The following SESN3 variants were observed in gnomAD, a reference collection of about 807,000 sequenced individuals.
The protein encoded by SESN3 is sestrin-3.
Under a neutral mutation model 55.3 loss-of-function variants are expected in SESN3, and 21 were observed. The observed-to-expected ratio is 0.38, with a 90% confidence interval of 0.27 to 0.55. The LOEUF is 0.55. SESN3 is among the 20% of genes least tolerant of loss of function. SESN3 has a pLI of 0.76. For missense variants in SESN3, 408 were observed against 604.3 expected (o/e 0.68, Z 3.41); for synonymous variants, 181 against 203.1 (o/e 0.89, Z 0.93).
intron 1 of SESN3, among the ~76,000 whole-genome samples, chr11:95,213,574 A>G (rs1274942699): frequency 6.6e-6 from 1 of 152,164 alleles, no homozygotes; most frequent in Non-Finnish European, 1.5e-5. Flanking sequence ...CTGCCAGTGG[A>G]GTCTTTTAAA....
At chr11:95,204,162 G>A (rs550526222) in intron 1 of SESN3, 1 of 152,262 alleles carries the variant, frequency 6.6e-6, no homozygotes, top group African/African-American at 2.4e-5. Flanking sequence ...GATTGATGAA[G>A]TTAAGAGTGA....
At chr11:95,212,265 C>A (rs1252728038) in intron 1 of SESN3, among the ~76,000 whole-genome samples, 2 of 152,044 alleles carry the variant, frequency 1.3e-5, no homozygotes, top group South Asian at 2.1e-4. Context: ...AATCTATTAA[C>A]CTCTACAAAA....
chr11:95,213,082 G>C (rs1860688540), intron 1 of SESN3, among the ~76,000 whole-genome samples: 1 of 151,820 alleles, frequency 6.6e-6, no homozygotes, highest in Non-Finnish European at 1.5e-5. Context: ...AATTAATACT[G>C]TTAATTTTGG....
In SESN3 at chr11:95,169,913, T is replaced by C. The variant is rs1450850277; in HGVS notation, c.*3342A>G. 2.6e-5 allele frequency: 4 copies of C among 152,246 alleles called. No homozygotes were observed. Among genetic ancestry groups the C allele is most frequent in the Non-Finnish European group, 2.9e-5 (2 of 68,038 alleles). 9.4% of individuals were successfully genotyped at this position (152,246 alleles called of 1,614,324 possible). ...TGGTTCAAATTTTATAGGATTCTTA[T>C]ATAAAACTTATATTGAGTTTTCTGT... is the stretch of plus-strand genomic sequence containing the variant. On this transcript the variant is annotated 3_prime_UTR_variant, in exon 10 of 10. Coordinates refer to ENST00000536441, the MANE Select transcript of SESN3 (RefSeq NM_144665.4).
chr11:95,202,655 T>C (rs1211808294), intron 1 of SESN3, among the ~76,000 whole-genome samples: 1 of 152,074 alleles, frequency 6.6e-6, no homozygotes, highest in Non-Finnish European at 1.5e-5. Context: ...TTGAATATGC[T>C]AGTAAAATTT....
chr11:95,214,400 T>C (rs997163453), intron 1 of SESN3, among the ~76,000 whole-genome samples: 1 of 152,224 alleles, frequency 6.6e-6, no homozygotes, highest in African/African-American at 2.4e-5. Context: ...AAATGACTTA[T>C]AGTTACTGTC....
chr11:95,218,842 T>G (rs1242135108), intron 1 of SESN3, among the ~76,000 whole-genome samples: 2 of 152,100 alleles, frequency 1.3e-5, no homozygotes, highest in Non-Finnish European at 2.9e-5. Context: ...TTAGTGGAGA[T>G]GGGGTTTTAC....
At chr11:95,199,589 G>T (rs1013551218) in intron 1 of SESN3, among the ~76,000 whole-genome samples, 8 of 152,010 alleles carry the variant, frequency 5.3e-5, no homozygotes, top group African/African-American at 1.7e-4. Flanking sequence ...TCTTAAAATT[G>T]TGAGTCTTTA....
intron 6 of SESN3, 43 bp from the exon 7 acceptor site, chr11:95,178,871 G>A (rs143753721): frequency 4.3e-6 from 5 of 1,164,286 alleles, no homozygotes; most frequent in Admixed American, 1.7e-5. Flanking sequence ...GATACTGTAC[G>A]TGGTTATGAC....
intron 1 of SESN3, among the ~76,000 whole-genome samples, chr11:95,226,737 C>A (rs930780266): frequency 6.6e-6 from 1 of 152,066 alleles, no homozygotes; most frequent in African/African-American, 2.4e-5. Context: ...AAGACCTGCA[C>A]AAGAATAATT....
chr11:95,209,787 C>T (rs1591069352), intron 1 of SESN3, among the ~76,000 whole-genome samples: 1 of 150,692 alleles, frequency 6.6e-6, no homozygotes, highest in African/African-American at 2.4e-5. Flanking sequence ...GAGGCTGAGG[C>T]GGGTGGATCT....
intron 1 of SESN3, among the ~76,000 whole-genome samples, chr11:95,200,517 C>G (rs1860442554): frequency 6.6e-6 from 1 of 152,024 alleles, no homozygotes. Context: ...ACCAGCATCT[C>G]TTCTCTTACT....
At chr11:95,184,134 A>G (rs566679682) in intron 6 of SESN3, 1 of 404,086 alleles carries the variant, frequency 2.5e-6, no homozygotes, top group East Asian at 3.6e-5. Context: ...GATAAATTAA[A>G]TATGTCTATC....
chr11:95,185,928 C>A lies in SESN3; in HGVS notation c.526-436G>T, dbSNP rs549402424. On this transcript the variant is annotated intron_variant, in intron 4 of 9. Transcript: ENST00000536441. ...TCAAGTTTCAGTTATCCTTTAGATA[C>A]CTTCTAATGGAGAAAGAACCTGCAG... is the stretch of plus-strand genomic sequence containing the variant. 4.6e-5 allele frequency among the ~76,000 whole-genome samples: 7 copies of A among 152,066 alleles called. No individual in the cohort carries two copies. The South Asian group carries it at 1.5e-3, about 32-fold the overall frequency.
chr11:95,226,311 C>A (rs1860947668), intron 1 of SESN3, among the ~76,000 whole-genome samples: 2 of 152,180 alleles, frequency 1.3e-5, no homozygotes, highest in Non-Finnish European at 1.5e-5. Flanking sequence ...AAATTATCAA[C>A]ATTTTACAGA....
chr11:95,217,195 A>G (rs890896798), intron 1 of SESN3, among the ~76,000 whole-genome samples: 3 of 152,116 alleles, frequency 2.0e-5, no homozygotes, highest in Admixed American at 6.5e-5. Flanking sequence ...TGTTTAGACT[A>G]GTGATACTTC....
intron 4 of SESN3, among the ~76,000 whole-genome samples, chr11:95,188,212 A>C (rs1483337043): frequency 6.6e-6 from 1 of 151,776 alleles, no homozygotes; most frequent in Admixed American, 6.6e-5. Flanking sequence ...TTCCAAATGT[A>C]ACAATTGGGA....
At position 95,177,635 on chromosome 11, in the gene SESN3, T is replaced by C; in HGVS notation, c.1247+84A>G. 1.1e-6 allele frequency: 1 copy of C among 932,638 alleles called. No homozygotes were observed. Among genetic ancestry groups the C allele is most frequent in the Non-Finnish European group, 1.6e-6 (1 of 625,004 alleles). The allele number at this position is 932,638 out of a possible 1,614,324, so 57.8% of individuals were successfully genotyped here. ...ATGTAATATTTTCTTCCCAGAGTCA[T>C]ATACTCCCAAACAGGACAAAAATAA... On this transcript the variant is annotated intron_variant, in intron 8 of 9. Coordinates refer to ENST00000536441, the MANE Select transcript of SESN3 (RefSeq NM_144665.4).
intron 2 of SESN3, among the ~76,000 whole-genome samples, chr11:95,192,279 T>C (rs1306227996): frequency 1.3e-5 from 2 of 152,074 alleles, no homozygotes; most frequent in African/African-American, 4.8e-5. Context: ...TATTTATATA[T>C]AGCTTCACAC....
Sources: gnomAD v4.1 joint callset for allele counts (sites outside exome capture counted in the v4.1 genomes callset) on GRCh38, gnomAD v4.1.1 for gene constraint, MANE v1.5 for transcripts, NCBI Gene and HGNC (gene_info 2026-07-23, HGNC 2026-07-21) for gene names.